Variants in FAM13A observed in about 807,000 individuals in gnomAD.
FAM13A encodes the protein family with sequence similarity 13 member A, also known as protein FAM13A.
A neutral mutation model predicts 129.6 loss-of-function variants in FAM13A; 76 were observed. The ratio of observed to expected loss-of-function variants is 0.59; its 90% CI spans 0.49 to 0.71. The LOEUF (loss-of-function observed/expected upper bound fraction) is 0.71, where lower values mean the gene tolerates loss of function less well. Among genes scored for constraint, FAM13A ranks in the 30% least tolerant of loss-of-function variants. FAM13A has a pLI of 0.00. For synonymous variants in FAM13A, 443 were observed against 449.9 expected (o/e 0.98, Z 0.20); for missense variants, 1,108 against 1,249.3 (o/e 0.89, Z 1.70).
intron 3 of FAM13A, among the ~76,000 whole-genome samples, chr4:89,018,734 C>G (rs1240744641): frequency 6.6e-6 from 1 of 152,206 alleles, no homozygotes; most frequent in Non-Finnish European, 1.5e-5. Context: ...AAATATAATG[C>G]TTCCTCTAAC....
chr4:88,889,674 G>A (rs1043259278), intron 6 of FAM13A, among the ~76,000 whole-genome samples: 4 of 152,106 alleles, frequency 2.6e-5, no homozygotes, highest in East Asian at 1.9e-4. Flanking sequence ...GTGCTGTGGC[G>A]GTTATGGACC....
intron 5 of FAM13A, among the ~76,000 whole-genome samples, chr4:88,929,376 T>C (rs1158375752): frequency 6.6e-6 from 1 of 152,154 alleles, no homozygotes; most frequent in Admixed American, 6.5e-5. Context: ...TGGTGCAGTC[T>C]TTTTTGCAAC....
chr4:88,916,778 G>A (rs1440073560), intron 5 of FAM13A, among the ~76,000 whole-genome samples: 1 of 151,920 alleles, frequency 6.6e-6, no homozygotes, highest in African/African-American at 2.4e-5. Context: ...ATATAAAAAA[G>A]CTCCCCAGCT....
At chr4:88,933,177 T>G (rs571860240) in intron 5 of FAM13A, among the ~76,000 whole-genome samples, 2 of 152,212 alleles carry the variant, frequency 1.3e-5, no homozygotes, top group African/African-American at 4.8e-5. Flanking sequence ...TCTTATAACA[T>G]GTTTATCTGG....
intron 4 of FAM13A, among the ~76,000 whole-genome samples, chr4:88,981,384 T>A (rs1761650283): frequency 6.6e-6 from 1 of 152,150 alleles, no homozygotes; most frequent in Non-Finnish European, 1.5e-5. Context: ...TTAATCAGAT[T>A]TTTAAATACA....
At chr4:88,916,186 A>G (rs766045037) in intron 5 of FAM13A, among the ~76,000 whole-genome samples, 1 of 152,180 alleles carries the variant, frequency 6.6e-6, no homozygotes. Context: ...AAAACTACAA[A>G]GAATAAATTA....
rs548007177 is a variant in FAM13A, at chr4:88,921,156, A to G, written c.760-14694T>C. Among the ~76,000 whole-genome samples the G allele has an allele frequency of 1.3e-3, 198 of 152,240 alleles. 2 individuals are homozygous for G. Among genetic ancestry groups the G allele is most frequent in the African/African-American group, 4.2e-3 (175 of 41,532 alleles). ...GATATTATCCAGGAGAACTTCCCCA[A>G]TCTAGCAAGGCAGGCCAACATTCAG... On this transcript the variant is annotated intron_variant, in intron 5 of 23. Coordinates refer to ENST00000264344, the MANE Select transcript of FAM13A (RefSeq NM_014883.4).
intron 5 of FAM13A, among the ~76,000 whole-genome samples, chr4:88,909,100 T>G (rs1748619295): frequency 6.6e-6 from 1 of 152,214 alleles, no homozygotes; most frequent in African/African-American, 2.4e-5. Context: ...CATATGTATC[T>G]GAGAAAGTTG....
chr4:88,891,259 AC>A (rs1478704368), intron 6 of FAM13A, among the ~76,000 whole-genome samples: 3 of 152,056 alleles, frequency 2.0e-5, no homozygotes. Context: ...CCACGTCTCT[AC>A]AAAAAAAACA....
intron 1 of FAM13A, among the ~76,000 whole-genome samples, chr4:89,035,201 G>C (rs1769227763): frequency 2.0e-5 from 3 of 152,082 alleles, no homozygotes; most frequent in Non-Finnish European, 4.4e-5. Context: ...GAGAGAGGGA[G>C]AGGGAAAAGG....
chr4:88,749,406 T>TG, intron 16 of FAM13A, among the ~76,000 whole-genome samples: 1 of 152,318 alleles, frequency 6.6e-6, no homozygotes, highest in South Asian at 2.1e-4. Flanking sequence ...GCCACTCTTG[T>TG]GGTACAGAGC....
At chr4:88,842,476 A>T (rs1561139286) in intron 7 of FAM13A, among the ~76,000 whole-genome samples, 1 of 152,224 alleles carries the variant, frequency 6.6e-6, no homozygotes, top group African/African-American at 2.4e-5. Context: ...CATCACTTCT[A>T]TTGTGCTGCT....
intron 8 of FAM13A, 32 bp from the exon 9 acceptor site, chr4:88,790,659 T>G: frequency 6.3e-7 from 1 of 1,596,356 alleles, no homozygotes; most frequent in African/African-American, 1.4e-5. Flanking sequence ...AAAGTCAGGT[T>G]AGATGAAAGA....
In FAM13A at chr4:89,003,642, A is replaced by T. The variant is rs1201329918; in HGVS notation, c.428-12492T>A. 6.6e-5 allele frequency among the ~76,000 whole-genome samples: 10 copies of T among 152,070 alleles called. No homozygotes were observed. The East Asian group carries it at 9.6e-4, about 15-fold the overall frequency. Reference sequence around the variant, plus strand: ...AGAATGAGTGGGGAAAAAAGAAAAAAATATATATACATGTATGTAAAAAAA... The same window carrying T: ...AGAATGAGTGGGGAAAAAAGAAAAATATATATATACATGTATGTAAAAAAA... On this transcript the variant is annotated intron_variant, in intron 3 of 23. Coordinates refer to ENST00000264344, the MANE Select transcript of FAM13A (RefSeq NM_014883.4).
intron 6 of FAM13A, among the ~76,000 whole-genome samples, chr4:88,886,320 G>A (rs2150143544): frequency 6.6e-6 from 1 of 152,322 alleles, no homozygotes; most frequent in South Asian, 2.1e-4. Context: ...TGGGTGTGGT[G>A]GCTCACACCT....
At chr4:88,878,010 T>C (rs904409027) in intron 6 of FAM13A, among the ~76,000 whole-genome samples, 6 of 152,090 alleles carry the variant, frequency 3.9e-5, no homozygotes, top group African/African-American at 1.2e-4. Flanking sequence ...ACTTTTTGGC[T>C]GGGCGCGGTG....
intron 3 of FAM13A, among the ~76,000 whole-genome samples, chr4:89,000,937 T>A (rs1386730676): frequency 6.6e-6 from 1 of 152,264 alleles, no homozygotes; most frequent in African/African-American, 2.4e-5. Flanking sequence ...TTAACAAATG[T>A]ACATATGCAC....
intron 4 of FAM13A, among the ~76,000 whole-genome samples, chr4:88,958,331 C>A (rs1758087851): frequency 6.6e-6 from 1 of 152,216 alleles, no homozygotes; most frequent in African/African-American, 2.4e-5. Flanking sequence ...TGCATCTCAG[C>A]CACTCCAGCT....
At chr4:88,777,129 T>G (rs374217614) in intron 11 of FAM13A, among the ~76,000 whole-genome samples, 14 of 23,666 alleles carry the variant, frequency 5.9e-4, no homozygotes, top group African/African-American at 9.9e-4. Flanking sequence ...AGATGGAGAC[T>G]TTTTTTCTAG....
Sources: allele counts gnomAD v4.1 joint callset (sites outside exome capture counted in the v4.1 genomes callset), GRCh38; gene constraint gnomAD v4.1.1; transcripts MANE v1.5; gene names NCBI Gene and HGNC (gene_info 2026-07-23, HGNC 2026-07-21).